The following CADPS variants were observed in gnomAD, a reference collection of about 807,000 sequenced individuals.
The protein encoded by CADPS is calcium-dependent secretion activator 1.
In CADPS, 57 loss-of-function variants were observed where a neutral mutation model predicts 167.3. The ratio of observed to expected loss-of-function variants is 0.34; its 90% CI spans 0.28 to 0.42. CADPS has a LOEUF of 0.42. Ranked by LOEUF, CADPS falls within the 20% of genes least tolerant of loss-of-function variation. The pLI, the probability that CADPS is intolerant of heterozygous loss-of-function variation, is 1.00. For synonymous variants in CADPS, 676 were observed against 635.3 expected, an observed-to-expected ratio of 1.06 and a Z score of -0.96; for missense variants, 1,414 against 1,738.1, an observed-to-expected ratio of 0.81 and a Z score of 3.32.
chr3:62,570,790 G>T, intron 9 of CADPS, 82 bp downstream of exon 9: 1 of 930,376 alleles, frequency 1.1e-6, no homozygotes, highest in Non-Finnish European at 1.8e-6. Flanking sequence ...GTGTATTTAA[G>T]TTATACCTCA....
intron 4 of CADPS, among the ~76,000 whole-genome samples, chr3:62,652,025 C>A (rs2070286897): frequency 1.3e-5 from 2 of 152,134 alleles, no homozygotes; most frequent in Admixed American, 1.3e-4. Context: ...ATCACCACAA[C>A]TGAGATTTTT....
intron 3 of CADPS, among the ~76,000 whole-genome samples, chr3:62,752,555 G>T (rs1021343796): frequency 4.2e-4 from 64 of 152,120 alleles, no homozygotes; most frequent in Admixed American, 2.6e-3. Flanking sequence ...CATTCACTCT[G>T]TGCCAAGATT....
intron 21 of CADPS, among the ~76,000 whole-genome samples, chr3:62,489,351 G>A (rs904506593): frequency 2.0e-5 from 3 of 152,192 alleles, no homozygotes; most frequent in African/African-American, 4.8e-5. Context: ...TAGTAGAGAC[G>A]GGGTTTCACC....
At chr3:62,621,576 G>C (rs1041632087) in intron 6 of CADPS, among the ~76,000 whole-genome samples, 5 of 152,070 alleles carry the variant, frequency 3.3e-5, no homozygotes, top group African/African-American at 1.2e-4. Flanking sequence ...ACAATTTTCA[G>C]GTGATTTTTG....
intron 1 of CADPS, among the ~76,000 whole-genome samples, chr3:62,768,126 T>G (rs117859787): frequency 1.3e-5 from 2 of 152,308 alleles, no homozygotes; most frequent in East Asian, 3.9e-4. Context: ...ATATGTGAAA[T>G]TGAAGAGAAA....
rs34002756 is a variant in CADPS, at chr3:62,428,296, C to CTTTTTTT, written c.3777+9801_3777+9807dup. ...TTGCAGCCACCTGGTGGAAGCAAGA[C>CTTTTTTT]TTTTTTTTTTTTTTTTTTTTTTTTT... On this transcript the variant is annotated intron_variant, in intron 28 of 29. Coordinates refer to ENST00000383710, the MANE Select transcript of CADPS (RefSeq NM_003716.4). Among the ~76,000 whole-genome samples the CTTTTTTT allele has an allele frequency of 6.2e-4, 40 of 64,646 alleles. 6 individuals carry two copies. Among genetic ancestry groups the CTTTTTTT allele is most frequent in the Admixed American group, 1.4e-3 (7 of 4,946 alleles). The allele number at this position is 64,646 out of a possible 152,430, so 42.4% of individuals were successfully genotyped here.
chr3:62,486,408 G>A (rs1042367373), intron 21 of CADPS, among the ~76,000 whole-genome samples: 1 of 133,486 alleles, frequency 7.5e-6, no homozygotes, highest in African/African-American at 3.0e-5. Flanking sequence ...CAGCACCACT[G>A]CACTCCAGCC....
intron 9 of CADPS, among the ~76,000 whole-genome samples, chr3:62,569,365 G>A (rs1212284311): frequency 6.6e-6 from 1 of 152,232 alleles, no homozygotes; most frequent in East Asian, 1.9e-4. Context: ...GCTTCCCAAA[G>A]TGCTGGGATT....
At chr3:62,437,236 C>G (rs959725306) in intron 28 of CADPS, among the ~76,000 whole-genome samples, 4 of 151,998 alleles carry the variant, frequency 2.6e-5, no homozygotes, top group African/African-American at 9.7e-5. Context: ...CGGGTCTACA[C>G]TGGCAAATTC....
intron 11 of CADPS, among the ~76,000 whole-genome samples, chr3:62,543,085 T>A (rs2075960695): frequency 1.3e-5 from 2 of 152,196 alleles, no homozygotes; most frequent in African/African-American, 4.8e-5. Flanking sequence ...TCATTTAATA[T>A]GGTCTGTTTA....
chr3:62,868,507 A>AT (rs149251987), intron 1 of CADPS, among the ~76,000 whole-genome samples: 3,820 of 152,174 alleles, frequency 0.025, 84 homozygotes, highest in South Asian at 0.076. Context: ...AGAAATCCAG[A>AT]TTTTTTATGT....
intron 1 of CADPS, among the ~76,000 whole-genome samples, chr3:62,851,477 C>CA (rs988089598): frequency 1.3e-5 from 2 of 149,782 alleles, no homozygotes; most frequent in African/African-American, 4.9e-5. Flanking sequence ...CTTGTGGTGA[C>CA]AAAATCTCTC....
chr3:62,653,575 A>G (rs1411084477), intron 4 of CADPS, among the ~76,000 whole-genome samples: 1 of 152,150 alleles, frequency 6.6e-6, no homozygotes, highest in Non-Finnish European at 1.5e-5. Context: ...CTGCTGGGCA[A>G]TGATTCAGGA....
At chr3:62,734,895 A>G (rs2078681619) in intron 3 of CADPS, among the ~76,000 whole-genome samples, 1 of 152,168 alleles carries the variant, frequency 6.6e-6, no homozygotes, top group Non-Finnish European at 1.5e-5. Context: ...ATAAAATTTT[A>G]CATTTGAAAC....
intron 3 of CADPS, among the ~76,000 whole-genome samples, chr3:62,697,229 G>A (rs1386392013): frequency 4.0e-5 from 6 of 151,770 alleles, no homozygotes; most frequent in Non-Finnish European, 7.4e-5. Flanking sequence ...AGTATACTCT[G>A]AACCCAATTC....
intron 1 of CADPS, among the ~76,000 whole-genome samples, chr3:62,829,760 G>C (rs1358372113): frequency 6.6e-6 from 1 of 152,098 alleles, no homozygotes; most frequent in Admixed American, 6.6e-5. Flanking sequence ...CAATGTTAAT[G>C]AATACTCATT....
rs941447607 is a variant in CADPS at position 62,398,754 on chromosome 3, C to A, written c.*652G>T. ...GCTTGATGTTAAGTCATGATAGGAT[C>A]GCCCCCTTGCCGTGGCAATTAAGAG... is the stretch of plus-strand genomic sequence containing the variant. On this transcript the variant is annotated 3_prime_UTR_variant, in exon 30 of 30. Transcript: ENST00000383710. 3 of 151,964 alleles carry A rather than the reference C, an allele frequency of 2.0e-5. No homozygotes were observed. Among genetic ancestry groups the A allele is most frequent in the African/African-American group, 7.3e-5 (3 of 41,358 alleles). 9.4% of individuals were successfully genotyped at this position (151,964 alleles called of 1,614,324 possible).
chr3:62,493,725 G>A, intron 18 of CADPS, 60 bp from the exon 19 acceptor site: 2 of 1,394,132 alleles, frequency 1.4e-6, no homozygotes, highest in Admixed American at 4.0e-5. Context: ...GGTTGGCTTG[G>A]CTGGAAATAG....
intron 3 of CADPS, among the ~76,000 whole-genome samples, chr3:62,747,014 G>T (rs1235010527): frequency 6.6e-6 from 1 of 152,218 alleles, no homozygotes; most frequent in Non-Finnish European, 1.5e-5. Context: ...TGAGAGGTGT[G>T]TAGTGAACAA....
Sources: allele counts gnomAD v4.1 joint callset (sites outside exome capture counted in the v4.1 genomes callset), GRCh38; gene constraint gnomAD v4.1.1; transcripts MANE v1.5; gene names NCBI Gene and HGNC (gene_info 2026-07-23, HGNC 2026-07-21).